Variants in SRCAP observed in about 807,000 individuals in gnomAD.
SRCAP encodes the protein Snf2 related CREBBP activator protein, also known as chromatin remodeling protein SRCAP.
In SRCAP, 46 loss-of-function variants were observed where a neutral mutation model predicts 263.1. The observed-to-expected ratio is 0.17, with a 90% CI of 0.14 to 0.22. The LOEUF is 0.22. Among genes scored for constraint, SRCAP ranks in the 10% least tolerant of loss-of-function variants. SRCAP has a pLI of 1.00. For synonymous variants in SRCAP, 1,813 were observed against 1,662.1 expected, an observed-to-expected ratio of 1.09 and a Z score of -2.21; for missense variants, 3,695 against 4,181.9, an observed-to-expected ratio of 0.88 and a Z score of 3.21.
chr16:30,726,440 G>C (rs2053065332), intron 25 of SRCAP, among the ~76,000 whole-genome samples: 1 of 152,064 alleles, frequency 6.6e-6, no homozygotes. Flanking sequence ...GGAACTGCCA[G>C]ACTTTTCCAA....
chr16:30,721,591 C>T (rs566617566), intron 21 of SRCAP, 115 bp downstream of exon 21: 82 of 1,395,752 alleles, frequency 5.9e-5, no homozygotes, highest in African/African-American at 8.6e-5. Flanking sequence ...CCTATAATCC[C>T]GGTGCTTTGG....
chr16:30,736,462 T>A (rs2053161430), intron 32 of SRCAP, 68 bp downstream of exon 32: 1 of 1,609,856 alleles, frequency 6.2e-7, no homozygotes, highest in African/African-American at 1.3e-5. Context: ...CCTTTTGTCT[T>A]CCCTGGTGGG....
At chr16:30,715,092 G>A (rs768312162) in intron 16 of SRCAP, among the ~76,000 whole-genome samples, 1 of 152,112 alleles carries the variant, frequency 6.6e-6, no homozygotes, top group Non-Finnish European at 1.5e-5. Context: ...TCTCCAGTCT[G>A]TACTAAAATT....
At chr16:30,726,932 C>G (rs1474052692) in intron 25 of SRCAP, among the ~76,000 whole-genome samples, 2 of 152,170 alleles carry the variant, frequency 1.3e-5, no homozygotes, top group Admixed American at 1.3e-4. Flanking sequence ...GAACTCCTGA[C>G]CTCAGGTGAT....
In SRCAP at chr16:30,737,098, T is replaced by G. The variant is rs1284473597; in HGVS notation, c.7058T>G (p.Val2353Gly). The change falls in exon 34 of 34, where the codon GTG (valine) becomes GGG (glycine). Residue 2353 changes from valine to glycine, a missense_variant. Physicochemically the swap from Val to Gly is moderately radical, Grantham distance 109. Around this residue, in one of 12 missense-constraint regions of SRCAP, gnomAD observed 91 missense variants for 150.6 expected, o/e 0.60. Coordinates refer to ENST00000262518, the MANE Select transcript of SRCAP (RefSeq NM_006662.3). The stretch of plus-strand genomic sequence containing the variant: ...GACCTGGACCAAGCCAAGGAGGAGG[T>G]GTTCCGCCTACCCCAAGAGGAGGAG... ...RKDLDQAKEE[V>G]FRLPQEEEEG... 1 of 1,610,164 alleles carries G rather than the reference T, an allele frequency of 6.2e-7. No individual in the cohort carries two copies. Among genetic ancestry groups the G allele is most frequent in the Middle Eastern group, 1.7e-4 (1 of 6,040 alleles).
At position 30,737,519 on chromosome 16, in the gene SRCAP, T is replaced by C; in HGVS notation, c.7479T>C (p.Pro2493=). Residue 2493 remains proline, a synonymous_variant, in exon 34 of 34, where the codon CCT becomes CCC. Coordinates refer to ENST00000262518, the MANE Select transcript of SRCAP (RefSeq NM_006662.3). ...PSPPPPSQIP[P]CSSPACTPPP... ...CTCCCCCTCCTTCACAGATTCCTCCTTGTTCTTCTCCTGCCTGCACCCCTC... is the reference window on the plus strand; with the variant it reads ...CTCCCCCTCCTTCACAGATTCCTCCCTGTTCTTCTCCTGCCTGCACCCCTC... The C allele has an allele frequency of 6.2e-7, 1 of 1,604,978 alleles. No homozygotes were observed. Among genetic ancestry groups the C allele is most frequent in the South Asian group, 1.1e-5 (1 of 90,844 alleles).
At chr16:30,730,495 G>T (rs966735081) in intron 27 of SRCAP, among the ~76,000 whole-genome samples, 1 of 151,762 alleles carries the variant, frequency 6.6e-6, no homozygotes. Flanking sequence ...GCAGTGGCTC[G>T]ATCTCGGCTC....
At position 30,709,554 on chromosome 16, in the gene SRCAP, C is replaced by CA; in HGVS notation, c.681dup (p.Ala228SerfsTer14). On this transcript the variant is annotated frameshift_variant, in exon 7 of 34. Coordinates refer to ENST00000262518, the MANE Select transcript of SRCAP (RefSeq NM_006662.3). LOFTEE classifies it high-confidence loss of function. ...AACAGTCCCGGCTTGAGGAAAAGCG[C>CA]AAAAAAGCCCTGGACCTGCATTTGG... The CA allele has an allele frequency of 6.2e-7, 1 of 1,614,040 alleles. No homozygotes were observed. The highest frequency in any genetic ancestry group is 8.5e-7 in the Non-Finnish European group (1 of 1,179,996).
Position 30,704,231 on chromosome 16 carries a change from C to A in SRCAP, c.222C>A (p.Phe74Leu). The A allele has an allele frequency of 6.2e-7, 1 of 1,614,182 alleles. No individual in the cohort carries two copies. The change falls in exon 4 of 34, where the codon TTC becomes TTA. Residue 74 changes from phenylalanine to leucine, a missense_variant. Transcript: ENST00000262518. ...PDGATVPLEG[F>L]SLSQAADLAN... ...GTGCCACAGTGCCCCTGGAGGGGTT[C>A]AGCTTATCCCAGGCTGCTGACCTGG...
rs2052896960 is a variant in SRCAP, at chr16:30,711,924, T to C, written c.1582T>C (p.Ser528Pro). ...AAGTTCAGCATCAGAGGAATCTGAG[T>C]CTGAAGAGTCTGAGGATGCCCAATC... is the stretch of plus-strand genomic sequence containing the variant. ...SGSSASEESE[S>P]EESEDAQSQS... The change falls in exon 12 of 34, where the codon TCT becomes CCT. Residue 528 changes from serine (S) to proline (P), a missense_variant. Physicochemically the swap from Ser to Pro is moderately conservative, Grantham distance 74. Coordinates refer to ENST00000262518, the MANE Select transcript of SRCAP (RefSeq NM_006662.3). 6 of 1,613,632 alleles carry C rather than the reference T, an allele frequency of 3.7e-6. No individual in the cohort carries two copies. In the East Asian group the frequency reaches 1.1e-4, roughly 30 times the overall value.
At chr16:30,709,483 G>T in intron 6 of SRCAP, 30 bp from the exon 7 acceptor site, 1 of 1,609,274 alleles carries the variant, frequency 6.2e-7, no homozygotes, top group Non-Finnish European at 8.5e-7. Flanking sequence ...TGGTTATCTT[G>T]GTGAGCAGTC....
intron 24 of SRCAP, 128 bp downstream of exon 24, chr16:30,723,357 C>G: frequency 6.9e-7 from 1 of 1,442,476 alleles, no homozygotes; most frequent in Non-Finnish European, 9.2e-7. Flanking sequence ...GTAGTGGGCC[C>G]CAGAACTGGG....
intron 3 of SRCAP, among the ~76,000 whole-genome samples, chr16:30,702,056 C>G (rs1330331996): frequency 6.7e-6 from 1 of 149,874 alleles, no homozygotes; most frequent in Admixed American, 6.7e-5. Context: ...CGGGTTCAAA[C>G]AATTCTTCTG....
At chr16:30,725,146 A>C in intron 25 of SRCAP, 64 bp downstream of exon 25, 1 of 1,541,772 alleles carries the variant, frequency 6.5e-7, no homozygotes, top group East Asian at 2.3e-5. Flanking sequence ...GGTAGGGTGG[A>C]TGGAACAGTG....
chr16:30,716,404 C>T lies in SRCAP; in HGVS notation c.2742C>T (p.Ser914=), dbSNP rs768069601. The T allele has an allele frequency of 1.2e-6, 2 of 1,614,224 alleles. No individual in the cohort carries two copies. The highest frequency in any genetic ancestry group is 8.5e-7 in the Non-Finnish European group (1 of 1,180,054). Residue 914 remains serine, a synonymous_variant, in exon 18 of 34, where the codon TCC becomes TCT. Coordinates refer to ENST00000262518, the MANE Select transcript of SRCAP (RefSeq NM_006662.3). ...TGTTCGACCCTCGACCGGTTACCTC[C>T]CCTTTCATCACCCCAGGCATCTGCT... is the stretch of plus-strand genomic sequence containing the variant. ...PNLFDPRPVT[S]PFITPGICFS...
In SRCAP at chr16:30,722,761, G is replaced by C; in HGVS notation, c.3892+13G>C. 6.2e-7 allele frequency: 1 copy of C among 1,603,232 alleles called. No individual in the cohort carries two copies. Among genetic ancestry groups the C allele is most frequent in the Non-Finnish European group, 8.5e-7 (1 of 1,172,628 alleles). ...GCTGCTAACCAGGGTGAGGCTCCTG[G>C]CCTTCCTACTTAGCCCTTGCTGGCC... On this transcript the variant is annotated intron_variant, in intron 23 of 33. Coordinates refer to ENST00000262518, the MANE Select transcript of SRCAP (RefSeq NM_006662.3).
chr16:30,708,065 T>G (rs2052846975), intron 6 of SRCAP, among the ~76,000 whole-genome samples: 1 of 152,256 alleles, frequency 6.6e-6, no homozygotes, highest in South Asian at 2.1e-4. Context: ...TCCGTCTGTA[T>G]TTTCGGTCTT....
intron 6 of SRCAP, among the ~76,000 whole-genome samples, chr16:30,708,239 T>C (rs1046864020): frequency 2.0e-5 from 3 of 152,136 alleles, no homozygotes; most frequent in Non-Finnish European, 4.4e-5. Flanking sequence ...GACAGAGTCT[T>C]GCTGTGTCTC....
In SRCAP at chr16:30,723,095, T is replaced by C; in HGVS notation, c.4025T>C (p.Leu1342Ser). The change falls in exon 24 of 34, where the codon TTG becomes TCG. Residue 1342 changes from leucine to serine, a missense_variant. Physicochemically the swap from Leu to Ser is moderately radical, Grantham distance 145 (BLOSUM62 -2). This residue lies in a region of SRCAP where 1,347 missense variants were observed against 1,304.4 expected (regional missense o/e 1.03). Transcript: ENST00000262518. ...RPPSSGLPAV[L>S]NPRPTLTPGR... ...CCGAGCTCTGGGCTTCCAGCTGTGT[T>C]GAATCCACGCCCCACGTTAACCCCT... The C allele has an allele frequency of 6.2e-7, 1 of 1,614,058 alleles. No individual in the cohort carries two copies. Among genetic ancestry groups the C allele is most frequent in the Middle Eastern group, 1.6e-4 (1 of 6,062 alleles).
Sources: allele counts gnomAD v4.1 joint callset (sites outside exome capture counted in the v4.1 genomes callset), GRCh38; gene constraint gnomAD v4.1.1; regional missense constraint gnomAD v4.1.1; transcripts MANE v1.5; gene names NCBI Gene and HGNC (gene_info 2026-07-23, HGNC 2026-07-21).